USP50: variants seen among roughly 807,000 people sequenced by gnomAD.
USP50 encodes ubiquitin carboxyl-terminal hydrolase 50.
Under a neutral mutation model 39.2 loss-of-function variants are expected in USP50, and 37 were observed. That is an observed-to-expected ratio of 0.94 (90% CI 0.73 to 1.24). The LOEUF (loss-of-function observed/expected upper bound fraction) is 1.24. USP50 is among the 50% of genes most tolerant of loss of function. The pLI, the probability that USP50 is intolerant of heterozygous loss-of-function variation, is 0.00. For missense variants in USP50, 374 were observed against 398.2 expected (o/e 0.94, Z 0.52); for synonymous variants, 139 against 144.5 (o/e 0.96, Z 0.27).
At chr15:50,497,444 A>C, downstream of USP50, 1 of 403,474 alleles carries the variant, frequency 2.5e-6, no homozygotes, top group Non-Finnish European at 4.3e-6. Context: ...CCACTATTTC[A>C]TGTAATTCCT....
At chr15:50,541,775 G>A (rs182684309) in intron 3 of USP50, among the ~76,000 whole-genome samples, 1 of 152,142 alleles carries the variant, frequency 6.6e-6, no homozygotes, top group Non-Finnish European at 1.5e-5. Context: ...TTTCTGGAAG[G>A]GGGTAAGTAA....
At chr15:50,542,481 A>ATTTT (rs11292495) in intron 3 of USP50, among the ~76,000 whole-genome samples, 48 of 97,404 alleles carry the variant, frequency 4.9e-4, no homozygotes, top group Non-Finnish European at 5.2e-4. Flanking sequence ...TTTCCTTTTC[A>ATTTT]TTTTTTTTTT....
downstream of USP50, chr15:50,497,123 TCA>T: frequency 6.2e-7 from 1 of 1,605,902 alleles, no homozygotes; most frequent in East Asian, 2.3e-5. Context: ...GAAGAAAAAC[TCA>T]CAGATAACAA....
intron 1 of USP50, chr15:50,494,276 A>ATAAAG (rs1468819446): frequency 6.3e-7 from 1 of 1,595,658 alleles, no homozygotes; most frequent in Admixed American, 1.8e-5. Context: ...GAAGATCTAA[A>ATAAAG]TAAAGTAAGA....
chr15:50,501,693 T>C (rs2052591339), intron 6 of USP50: 1 of 152,106 alleles, frequency 6.6e-6, no homozygotes, highest in South Asian at 2.1e-4. Context: ...TAACCCAGTA[T>C]TGTTTGGAAC....
downstream of USP50, chr15:50,496,958 A>G (rs2052437827): frequency 6.8e-6 from 8 of 1,169,266 alleles, no homozygotes; most frequent in East Asian, 1.7e-4. Context: ...AGCTTTGGGA[A>G]GGCAGGAACT....
intron 1 of USP50, among the ~76,000 whole-genome samples, chr15:50,545,997 G>T (rs1057002614): frequency 2.0e-5 from 3 of 151,274 alleles, no homozygotes; most frequent in Non-Finnish European, 2.9e-5. Flanking sequence ...CATGTGAATT[G>T]CCCAGACCTG....
chr15:50,499,692 T>G (rs1031978185), downstream of USP50: 3 of 151,740 alleles, frequency 2.0e-5, no homozygotes, highest in African/African-American at 7.3e-5. Flanking sequence ...TAAATCTTTA[T>G]TCTAAAAAAA....
chr15:50,517,984 G>C (rs1596010279), intron 6 of USP50, among the ~76,000 whole-genome samples: 1 of 152,202 alleles, frequency 6.6e-6, no homozygotes, highest in Non-Finnish European at 1.5e-5. Flanking sequence ...AATGACGTGA[G>C]TCATCACACC....
intron 6 of USP50, among the ~76,000 whole-genome samples, chr15:50,516,064 AGTT>A (rs1295701792): frequency 6.6e-6 from 1 of 152,184 alleles, no homozygotes; most frequent in Admixed American, 6.6e-5. Context: ...TAAAATGTTA[AGTT>A]GTTATCAGCT....
intron 5 of USP50, chr15:50,531,995 G>A (rs2052943649): frequency 2.6e-6 from 1 of 380,724 alleles, no homozygotes; most frequent in Non-Finnish European, 5.2e-6. Context: ...AGCAAACATA[G>A]AGAATCACAG....
chr15:50,528,280 CT>C (rs5812519), intron 6 of USP50, among the ~76,000 whole-genome samples: 58 of 146,632 alleles, frequency 4.0e-4, no homozygotes, highest in Non-Finnish European at 4.0e-4. Context: ...CACATAATTA[CT>C]TTTTTTTTTT....
chr15:50,524,132 A>G (rs1415114126), intron 6 of USP50, among the ~76,000 whole-genome samples: 1 of 152,256 alleles, frequency 6.6e-6, no homozygotes, highest in African/African-American at 2.4e-5. Flanking sequence ...CTCAAAATGG[A>G]TTAAAGACTT....
chr15:50,518,439 C>T (rs982179157), intron 6 of USP50, among the ~76,000 whole-genome samples: 6 of 151,652 alleles, frequency 4.0e-5, no homozygotes, highest in Non-Finnish European at 7.4e-5. Context: ...TCTCGATCTC[C>T]TGACCTCGTG....
chr15:50,511,308 T>C (rs1596007064), intron 6 of USP50: 1 of 152,244 alleles, frequency 6.6e-6, no homozygotes, highest in East Asian at 1.9e-4. Flanking sequence ...ACTGGAACCT[T>C]AGTTCCAGTT....
chr15:50,546,347 CG>C (rs2053070820), intron 1 of USP50, 125 bp downstream of exon 1: 2 of 933,686 alleles, frequency 2.1e-6, no homozygotes, highest in Non-Finnish European at 1.7e-6. Context: ...CCTTCCTTTC[CG>C]GGGACCTTCC....
chr15:50,513,519 A>T (rs12903782), intron 6 of USP50: 50 of 61,672 alleles, frequency 8.1e-4, no homozygotes, highest in Non-Finnish European at 1.3e-3. Context: ...GAAACTGTCT[A>T]AAAAAAAAAA....
chr15:50,533,697 C>T (rs575948162), intron 5 of USP50, among the ~76,000 whole-genome samples: 4 of 152,090 alleles, frequency 2.6e-5, no homozygotes, highest in Non-Finnish European at 5.9e-5. Flanking sequence ...AGTAGACCTG[C>T]CTTGCAAGAA....
intron 1 of USP50, among the ~76,000 whole-genome samples, chr15:50,495,483 T>C (rs200442497): frequency 6.4e-5 from 6 of 94,402 alleles, no homozygotes; most frequent in Admixed American, 5.7e-4. Context: ...TAGTAGAGAT[T>C]GGAGGGGGGG....
Sources: gnomAD v4.1 joint callset for allele counts (sites outside exome capture counted in the v4.1 genomes callset) on GRCh38, gnomAD v4.1.1 for gene constraint, MANE v1.5 for transcripts, NCBI Gene and HGNC (gene_info 2026-07-23, HGNC 2026-07-21) for gene names.